ARHGEF18: variants seen among roughly 807,000 people sequenced by gnomAD.
ARHGEF18 encodes rho guanine nucleotide exchange factor 18.
Under a neutral mutation model 155.7 loss-of-function variants are expected in ARHGEF18, and 93 were observed. The observed-to-expected ratio is 0.60, with a 90% CI of 0.50 to 0.71. The LOEUF (loss-of-function observed/expected upper bound fraction) is 0.71. Among genes scored for constraint, ARHGEF18 ranks in the 30% least tolerant of loss-of-function variants. ARHGEF18 has a pLI of 0.00. For missense variants in ARHGEF18, 1,593 were observed against 1,816.1 expected, an observed-to-expected ratio of 0.88 and a Z score of 2.23; for synonymous variants, 742 against 753.1, an observed-to-expected ratio of 0.99 and a Z score of 0.24.
At chr19:7,383,989 G>C (rs192836960) in intron 10 of ARHGEF18, among the ~76,000 whole-genome samples, 2 of 152,102 alleles carry the variant, frequency 1.3e-5, no homozygotes, top group East Asian at 3.8e-4. Context: ...GGTCATTGCC[G>C]GGATTTAGAA....
chr19:7,467,394 C>T lies in ARHGEF18; in HGVS notation c.3190C>T (p.Arg1064Trp), dbSNP rs1036311916. Residue 1064 changes from arginine to tryptophan, a missense_variant, in exon 26 of 29, where the codon CGG becomes TGG. Arg to Trp is a moderately radical substitution (Grantham distance 101). Transcript: ENST00000668164. ...CCTGGAGAAGCTGCAGAGCCAGCTG[C>T]GGCACGAGCAGCAGCGCTGGGAGCG... ...AALEKLQSQL[R>W]HEQQRWERER... The T allele has an allele frequency of 1.3e-6, 2 of 1,533,046 alleles. No homozygotes were observed. 95.0% of individuals were successfully genotyped at this position (1,533,046 alleles called of 1,614,324 possible).
intron 10 of ARHGEF18, among the ~76,000 whole-genome samples, chr19:7,415,558 C>T (rs1972955760): frequency 6.6e-6 from 1 of 152,080 alleles, no homozygotes; most frequent in Non-Finnish European, 1.5e-5. Flanking sequence ...TCCAAGGGCC[C>T]CCAAGGCCCA....
chr19:7,444,565 C>A lies in ARHGEF18; in HGVS notation c.1611+111C>A. On this transcript the variant is annotated intron_variant, in intron 14 of 28. Coordinates refer to ENST00000668164, the MANE Select transcript of ARHGEF18 (RefSeq NM_001367823.1). The surrounding 1 kb of genome is among the most constrained non-coding windows in gnomAD (Gnocchi z 4.7). The stretch of plus-strand genomic sequence containing the variant: ...TTGCCGTGTCGCCCAGGCTGGAGTG[C>A]AGTGGTGCAGTCACAGCTCAATGCA... 7.0e-7 allele frequency: 1 copy of A among 1,429,130 alleles called. No individual in the cohort carries two copies. Among genetic ancestry groups the A allele is most frequent in the Non-Finnish European group, 9.3e-7 (1 of 1,070,838 alleles). 88.5% of individuals were successfully genotyped at this position (1,429,130 alleles called of 1,614,324 possible).
At chr19:7,421,715 T>C (rs1252326877) in intron 10 of ARHGEF18, among the ~76,000 whole-genome samples, 2 of 152,142 alleles carry the variant, frequency 1.3e-5, no homozygotes, top group Non-Finnish European at 2.9e-5. Flanking sequence ...TGAGCTGAGA[T>C]GGTGCCACTG....
chr19:7,454,737 A>G (rs1975719602), intron 17 of ARHGEF18, among the ~76,000 whole-genome samples: 1 of 152,132 alleles, frequency 6.6e-6, no homozygotes, highest in South Asian at 2.1e-4. Flanking sequence ...CCAGGAGGGC[A>G]TGCTGAGTTG....
Position 7,458,674 on chromosome 19 carries a change from C to G in ARHGEF18, c.2344C>G (p.Gln782Glu). The change falls in exon 19 of 29, where the codon CAA becomes GAA. Residue 782 changes from glutamine (Q) to glutamate (E), a missense_variant. Physicochemically the swap from Gln to Glu is conservative, Grantham distance 29. Coordinates refer to ENST00000668164, the MANE Select transcript of ARHGEF18 (RefSeq NM_001367823.1). ...EDRNAWMAHI[Q>E]RAVESCPDEE... ...CAGGAACGCCTGGATGGCCCACATC[C>G]AAAGGGCTGTGGAGAGGTGAGGAGG... 1 of 1,613,516 alleles carries G rather than the reference C, an allele frequency of 6.2e-7. No homozygotes were observed. The highest frequency in any genetic ancestry group is 8.5e-7 in the Non-Finnish European group (1 of 1,179,746).
intron 1 of ARHGEF18, among the ~76,000 whole-genome samples, chr19:7,353,154 C>T (rs1022605716): frequency 1.3e-5 from 2 of 151,548 alleles, no homozygotes; most frequent in African/African-American, 4.8e-5. Flanking sequence ...TCCTTTCTTT[C>T]CAGGGCCGTG....
intron 10 of ARHGEF18, among the ~76,000 whole-genome samples, chr19:7,422,369 G>A (rs546370767): frequency 3.1e-5 from 4 of 130,548 alleles, no homozygotes; most frequent in South Asian, 5.6e-4. Flanking sequence ...CCCGCCCCGC[G>A]CAGCCTTCTG....
downstream of ARHGEF18, chr19:7,472,989 A>T (rs1977111280): frequency 8.8e-6 from 4 of 456,070 alleles, no homozygotes; most frequent in South Asian, 6.2e-5. Flanking sequence ...GGCACAGGGC[A>T]GGAGTGGGGC....
At chr19:7,374,053 C>T (rs150059683) in intron 3 of ARHGEF18, among the ~76,000 whole-genome samples, 70 of 152,102 alleles carry the variant, frequency 4.6e-4, no homozygotes, top group Non-Finnish European at 7.8e-4. Context: ...AGTCACCATG[C>T]CGGGCCCCTG....
At chr19:7,389,317 ATTTTTTTT>A (rs1203819709) in intron 10 of ARHGEF18, among the ~76,000 whole-genome samples, 3 of 112,994 alleles carry the variant, frequency 2.7e-5, no homozygotes, top group East Asian at 2.7e-4. Context: ...TACCAGGATA[ATTTTTTTT>A]TTTTTTTTTT....
intron 1 of ARHGEF18, among the ~76,000 whole-genome samples, chr19:7,358,437 C>T (rs1403723032): frequency 6.6e-6 from 1 of 152,034 alleles, no homozygotes; most frequent in East Asian, 1.9e-4. Flanking sequence ...ACCATTCATC[C>T]ATCCACCTAT....
chr19:7,437,462 C>T (rs1383583278), intron 10 of ARHGEF18, among the ~76,000 whole-genome samples: 2 of 151,690 alleles, frequency 1.3e-5, no homozygotes, highest in Non-Finnish European at 2.9e-5. Flanking sequence ...ATGCTGAATC[C>T]TCTCCCAGGA....
intron 5 of ARHGEF18, 57 bp from the exon 6 acceptor site, chr19:7,378,337 G>A: frequency 1.6e-6 from 2 of 1,215,606 alleles, no homozygotes; most frequent in Non-Finnish European, 2.1e-6. Context: ...CTGCTGGGCT[G>A]GTCCTGTCCC....
Position 7,451,222 on chromosome 19 carries a change from C to T in ARHGEF18, c.1811C>T (p.Thr604Ile). 6.2e-7 allele frequency: 1 copy of T among 1,603,016 alleles called. No individual in the cohort carries two copies. Among genetic ancestry groups the T allele is most frequent in the Non-Finnish European group, 8.5e-7 (1 of 1,176,068 alleles). The change falls in exon 16 of 29, where the codon ACC (threonine) becomes ATC (isoleucine). Residue 604 changes from threonine (T) to isoleucine (I), a missense_variant. Coordinates refer to ENST00000668164, the MANE Select transcript of ARHGEF18 (RefSeq NM_001367823.1). ...ATTCTCCTGGTTACACAACGCATAA[C>T]CAAATACCCAGTGCTGGTGGAGCGC... ...ECILLVTQRITKYPVLVERII... is the reference protein window; with the variant it reads ...ECILLVTQRIIKYPVLVERII...
chr19:7,462,090 G>A lies in ARHGEF18; in HGVS notation c.2453-62G>A. On this transcript the variant is annotated intron_variant, in intron 20 of 28. Coordinates refer to ENST00000668164, the MANE Select transcript of ARHGEF18 (RefSeq NM_001367823.1). The surrounding 1 kb of genome is among the most constrained non-coding windows in gnomAD (Gnocchi z 4.4). ...TCCTCATCCTTAGGCCAGTCCCCGGGGCTCAGATGATTCCAGGGAAGGCCG... is the reference window on the plus strand; with the variant it reads ...TCCTCATCCTTAGGCCAGTCCCCGGAGCTCAGATGATTCCAGGGAAGGCCG... The A allele has an allele frequency of 6.2e-7, 1 of 1,604,822 alleles. No individual in the cohort carries two copies. The highest frequency in any genetic ancestry group is 8.5e-7 in the Non-Finnish European group (1 of 1,173,220).
At chr19:7,430,791 C>T (rs770437335) in intron 10 of ARHGEF18, among the ~76,000 whole-genome samples, 5 of 151,970 alleles carry the variant, frequency 3.3e-5, no homozygotes, top group East Asian at 3.9e-4. Flanking sequence ...GGTGACAGAG[C>T]GAGACCCTCT....
chr19:7,383,406 C>T (rs890114341), intron 10 of ARHGEF18: 4 of 450,812 alleles, frequency 8.9e-6, no homozygotes, highest in African/African-American at 4.0e-5. Context: ...GCAACAGTCC[C>T]TTTAAGTCTC....
chr19:7,435,401 CAG>C (rs1421219066), intron 10 of ARHGEF18, among the ~76,000 whole-genome samples: 14 of 152,224 alleles, frequency 9.2e-5, no homozygotes, highest in Admixed American at 4.6e-4. Flanking sequence ...GCACACCACA[CAG>C]GGGCCACATG....
Sources: gnomAD v4.1 joint callset for allele counts (sites outside exome capture counted in the v4.1 genomes callset) on GRCh38, gnomAD v4.1.1 for gene constraint, Gnocchi (gnomAD v3.1) non-coding constraint, MANE v1.5 for transcripts, NCBI Gene and HGNC (gene_info 2026-07-23, HGNC 2026-07-21) for gene names.